The following PRR16 variants were observed in gnomAD, a reference collection of about 807,000 sequenced individuals.
PRR16 encodes protein Largen.
PRR16 carries 6 observed loss-of-function variants against 18.2 expected under a neutral mutation model. The observed-to-expected ratio is 0.33, with a 90% CI of 0.18 to 0.65. The LOEUF (loss-of-function observed/expected upper bound fraction) is 0.65. Ranked by LOEUF, PRR16 falls within the 30% of genes least tolerant of loss-of-function variation. The pLI, the probability that PRR16 is intolerant of heterozygous loss-of-function variation, is 0.74. For synonymous variants in PRR16, 151 were observed against 147.8 expected (o/e 1.02, Z -0.16); for missense variants, 412 against 376.6 (o/e 1.09, Z -0.78).
chr5:120,535,042 T>C (rs1198940455), intron 1 of PRR16, among the ~76,000 whole-genome samples: 1 of 151,806 alleles, frequency 6.6e-6, no homozygotes, highest in East Asian at 1.9e-4. Flanking sequence ...GTAAGGGATA[T>C]GTAATTGAAA....
chr5:120,690,877 A>G (rs983023472), downstream of PRR16, among the ~76,000 whole-genome samples: 1 of 152,148 alleles, frequency 6.6e-6, no homozygotes, highest in Admixed American at 6.6e-5. Flanking sequence ...GGAAAAAAAA[A>G]CCTGAAGTGT....
chr5:120,764,088 A>T, the PRR16 span, among the ~76,000 whole-genome samples: 3 of 152,068 alleles, frequency 2.0e-5, no homozygotes, highest in Admixed American at 2.0e-4. Flanking sequence ...TGGGACTTCC[A>T]TTACTATGTT....
At chr5:120,565,949 C>T (rs1364579517) in intron 1 of PRR16, among the ~76,000 whole-genome samples, 2 of 152,180 alleles carry the variant, frequency 1.3e-5, no homozygotes, top group African/African-American at 2.4e-5. Flanking sequence ...TAGTGTCACA[C>T]AGATCACAAC....
At chr5:120,705,230 T>C in the PRR16 span, among the ~76,000 whole-genome samples, 138 of 152,238 alleles carry the variant, frequency 9.1e-4, no homozygotes, top group Non-Finnish European at 1.9e-4. Context: ...TTATGTTAAT[T>C]ATATGAAAAT....
chr5:120,751,857 A>G, the PRR16 span, among the ~76,000 whole-genome samples: 2 of 151,972 alleles, frequency 1.3e-5, no homozygotes, highest in African/African-American at 2.4e-5. Flanking sequence ...GCCTTTATGT[A>G]TTTATGTTTT....
At chr5:120,766,383 C>T in the PRR16 span, among the ~76,000 whole-genome samples, 1 of 151,842 alleles carries the variant, frequency 6.6e-6, no homozygotes, top group Non-Finnish European at 1.5e-5. Context: ...ATCTATTGGC[C>T]ATTTGGATTT....
intron 1 of PRR16, among the ~76,000 whole-genome samples, chr5:120,655,673 A>G (rs1755945682): frequency 6.6e-6 from 1 of 151,320 alleles, no homozygotes; most frequent in Non-Finnish European, 1.5e-5. Context: ...ATAAAATAAA[A>G]CCATGCAATC....
chr5:120,716,803 C>T, the PRR16 span, among the ~76,000 whole-genome samples: 9 of 152,186 alleles, frequency 5.9e-5, no homozygotes, highest in South Asian at 4.1e-4. Flanking sequence ...GTCTGGGAGG[C>T]GGAGATTGCA....
chr5:120,544,429 T>C (rs2112688368), intron 1 of PRR16, among the ~76,000 whole-genome samples: 1 of 152,304 alleles, frequency 6.6e-6, no homozygotes, highest in East Asian at 1.9e-4. Context: ...TTCAGTAGAC[T>C]TCAAACATTT....
chr5:120,681,122 A>G (rs1261670806), intron 1 of PRR16, among the ~76,000 whole-genome samples: 1 of 152,106 alleles, frequency 6.6e-6, no homozygotes, highest in Non-Finnish European at 1.5e-5. Flanking sequence ...ATTTTAATCT[A>G]TTTACACTCT....
At chr5:120,656,406 T>C (rs1755977803) in intron 1 of PRR16, among the ~76,000 whole-genome samples, 1 of 148,502 alleles carries the variant, frequency 6.7e-6, no homozygotes, top group Non-Finnish European at 1.5e-5. Flanking sequence ...CTCCATAATC[T>C]ATCATGTCAC....
At chr5:120,597,120 G>T (rs11241557) in intron 1 of PRR16, among the ~76,000 whole-genome samples, 66,083 of 151,294 alleles carry the variant, frequency 0.44, 15,198 homozygotes, top group East Asian at 0.83. Context: ...TTTTGCTTAC[G>T]TAAGTTATAT....
intron 1 of PRR16, among the ~76,000 whole-genome samples, chr5:120,666,630 C>T (rs1333847830): frequency 6.6e-6 from 1 of 151,954 alleles, no homozygotes; most frequent in East Asian, 1.9e-4. Context: ...TGAGCTATGT[C>T]CCATCAATAC....
the PRR16 span, among the ~76,000 whole-genome samples, chr5:120,754,375 A>AAT: frequency 1.9e-5 from 1 of 52,640 alleles, no homozygotes; most frequent in Non-Finnish European, 3.1e-5. Context: ...TATATAATAT[A>AAT]TAACATATAT....
the PRR16 span, among the ~76,000 whole-genome samples, chr5:120,732,535 T>G: frequency 1.3e-5 from 2 of 152,224 alleles, no homozygotes; most frequent in Non-Finnish European, 2.9e-5. Context: ...GAAGCATATA[T>G]AATTCCTAAG....
At chr5:120,719,925 T>C in the PRR16 span, among the ~76,000 whole-genome samples, 1 of 152,004 alleles carries the variant, frequency 6.6e-6, no homozygotes. Context: ...TAAAATAAAA[T>C]ATTTACCAAA....
At chr5:120,465,641 G>C (rs1749054534) in intron 1 of PRR16, 1 of 152,672 alleles carries the variant, frequency 6.5e-6, no homozygotes, top group Admixed American at 6.5e-5. Context: ...GGCTGCCGGC[G>C]GCGTCGCGGA....
chr5:120,687,810 A>G (rs1415031227), downstream of PRR16, among the ~76,000 whole-genome samples: 1 of 152,144 alleles, frequency 6.6e-6, no homozygotes, highest in Non-Finnish European at 1.5e-5. Flanking sequence ...TCTAACATCA[A>G]ATAAAAATCC....
At chr5:120,719,077 C>T in the PRR16 span, among the ~76,000 whole-genome samples, 1 of 152,050 alleles carries the variant, frequency 6.6e-6, no homozygotes, top group African/African-American at 2.4e-5. Context: ...TTCTTCAGTG[C>T]ATTAAGTTTT....
Sources: allele counts gnomAD v4.1 joint callset (sites outside exome capture counted in the v4.1 genomes callset), GRCh38; gene constraint gnomAD v4.1.1; transcripts MANE v1.5; gene names NCBI Gene and HGNC (gene_info 2026-07-23, HGNC 2026-07-21).